The following SEMA3A variants were observed in gnomAD, a reference collection of about 807,000 sequenced individuals.
SEMA3A encodes the protein semaphorin 3A.
In SEMA3A, 29 loss-of-function variants were observed where a neutral mutation model predicts 97.9. The observed-to-expected ratio is 0.30, with a 90% CI of 0.22 to 0.40. The LOEUF (loss-of-function observed/expected upper bound fraction) is 0.40, where lower values mean the gene tolerates loss of function less well. Among genes scored for constraint, SEMA3A ranks in the 10% least tolerant of loss-of-function variants. The pLI, the probability that SEMA3A is intolerant of heterozygous loss-of-function variation, is 1.00. For missense variants in SEMA3A, 763 were observed against 951.3 expected (o/e 0.80, Z 2.60); for synonymous variants, 321 against 323.7 (o/e 0.99, Z 0.09).
chr7:83,957,809 T>C lies in SEMA3A; in HGVS notation c.*3562A>G, dbSNP rs1010710623. The C allele has an allele frequency of 1.3e-5, 2 of 152,080 alleles. No individual in the cohort carries two copies. The highest frequency in any genetic ancestry group is 1.3e-4 in the Admixed American group (2 of 15,244). The allele number at this position is 152,080 out of a possible 1,614,324, so 9.4% of individuals were successfully genotyped here. A position where few individuals can be genotyped will look rare whatever the true frequency, so the allele number is the denominator to read the frequency against. On this transcript the variant is annotated 3_prime_UTR_variant, in exon 17 of 17. Transcript: ENST00000265362. ...TAATTATTACAAATCAAGTTAAAAG[T>C]ATAGATGTCCTTGGTGTTAGACCAG...
At chr7:84,213,330 G>A (rs954243223) in intron 3 of SEMA3A, among the ~76,000 whole-genome samples, 1 of 152,044 alleles carries the variant, frequency 6.6e-6, no homozygotes, top group East Asian at 1.9e-4. Context: ...AGGATGGAAT[G>A]TAGTGGAGTG....
chr7:84,192,811 A>T (rs557796967), intron 1 of SEMA3A, among the ~76,000 whole-genome samples: 23 of 152,074 alleles, frequency 1.5e-4, no homozygotes, highest in Admixed American at 4.6e-4. Context: ...TCATGATTTT[A>T]AACTTGTTAA....
intron 4 of SEMA3A, among the ~76,000 whole-genome samples, chr7:84,096,804 T>C (rs1177503807): frequency 6.6e-6 from 1 of 152,106 alleles, no homozygotes; most frequent in African/African-American, 2.4e-5. Flanking sequence ...GATTTTCATA[T>C]GATAAAAATT....
chr7:84,152,307 G>A (rs1280794940), intron 1 of SEMA3A, among the ~76,000 whole-genome samples: 3 of 139,770 alleles, frequency 2.1e-5, no homozygotes, highest in Admixed American at 7.3e-5. Context: ...GTCCAACAAT[G>A]ATAGACTGGA....
At chr7:84,240,677 T>C (rs1298732001) in intron 3 of SEMA3A, among the ~76,000 whole-genome samples, 1 of 152,162 alleles carries the variant, frequency 6.6e-6, no homozygotes, top group African/African-American at 2.4e-5. Context: ...TCCATAGGTA[T>C]ACATGTGCCA....
At chr7:84,464,903 C>G (rs1283413235) in intron 1 of SEMA3A, among the ~76,000 whole-genome samples, 1 of 151,926 alleles carries the variant, frequency 6.6e-6, no homozygotes, top group Admixed American at 6.6e-5. Flanking sequence ...AAGAAAGATA[C>G]GTTTAAAGTA....
intron 3 of SEMA3A, among the ~76,000 whole-genome samples, chr7:84,229,985 C>A (rs1428013249): frequency 6.6e-6 from 1 of 152,002 alleles, no homozygotes; most frequent in Non-Finnish European, 1.5e-5. Flanking sequence ...CTTACCCCCC[C>A]TTTACTCTAC....
At chr7:84,118,217 A>G (rs1157213971) in intron 3 of SEMA3A, among the ~76,000 whole-genome samples, 2 of 152,194 alleles carry the variant, frequency 1.3e-5, no homozygotes, top group East Asian at 1.9e-4. Flanking sequence ...TAGAATTTCT[A>G]TGAAAGCCTA....
At chr7:84,263,278 A>G (rs1003186212) in intron 3 of SEMA3A, among the ~76,000 whole-genome samples, 2 of 152,154 alleles carry the variant, frequency 1.3e-5, no homozygotes, top group Non-Finnish European at 2.9e-5. Flanking sequence ...TGTAGGTGGG[A>G]ATACTTGAGG....
At chr7:84,191,409 A>C (rs1485935938) in intron 1 of SEMA3A, among the ~76,000 whole-genome samples, 7 of 151,682 alleles carry the variant, frequency 4.6e-5, no homozygotes, top group African/African-American at 9.7e-5. Context: ...ATTTCTACCA[A>C]AACTGAAGCA....
At position 84,126,050 on chromosome 7, in the gene SEMA3A, T is replaced by A. The variant is rs1584003145; in HGVS notation, c.333+3073A>T. Reference sequence around the variant, plus strand: ...GTTGAATTAATTTCATTAACAATGTTTTCACTTAGAAATTGTCCATACTAC... The same window carrying A: ...GTTGAATTAATTTCATTAACAATGTATTCACTTAGAAATTGTCCATACTAC... On this transcript the variant is annotated intron_variant, in intron 3 of 16. Transcript: ENST00000265362. Among the ~76,000 whole-genome samples, 4 of 152,308 alleles carry A rather than the reference T, an allele frequency of 2.6e-5. No individual in the cohort carries two copies. In the South Asian group the frequency reaches 8.3e-4, roughly 32 times the overall value.
At chr7:84,279,043 G>T (rs1402882643) in intron 3 of SEMA3A, among the ~76,000 whole-genome samples, 1 of 151,974 alleles carries the variant, frequency 6.6e-6, no homozygotes, top group Non-Finnish European at 1.5e-5. Flanking sequence ...AAATGAATGT[G>T]AAAATAACAA....
intron 6 of SEMA3A, among the ~76,000 whole-genome samples, chr7:84,043,329 C>T (rs1792217125): frequency 6.6e-6 from 1 of 151,946 alleles, no homozygotes. Context: ...TAGTGAAACT[C>T]CATTTTAAAA....
At chr7:84,388,213 C>T (rs1803449040) in intron 1 of SEMA3A, among the ~76,000 whole-genome samples, 1 of 151,982 alleles carries the variant, frequency 6.6e-6, no homozygotes, top group Non-Finnish European at 1.5e-5. Flanking sequence ...ATATAAGAAA[C>T]ATGAGCTTAA....
intron 2 of SEMA3A, among the ~76,000 whole-genome samples, chr7:84,340,261 T>C (rs1802131260): frequency 6.6e-6 from 1 of 152,138 alleles, no homozygotes; most frequent in South Asian, 2.1e-4. Flanking sequence ...TACATTAGAA[T>C]AGATTAATAA....
intron 4 of SEMA3A, among the ~76,000 whole-genome samples, chr7:84,098,675 G>A (rs1462975942): frequency 6.6e-6 from 1 of 152,050 alleles, no homozygotes; most frequent in Non-Finnish European, 1.5e-5. Context: ...AAATTGTAAT[G>A]GATTTAACTT....
intron 15 of SEMA3A, among the ~76,000 whole-genome samples, chr7:83,967,978 T>A (rs1414396777): frequency 1.3e-5 from 2 of 152,162 alleles, no homozygotes; most frequent in African/African-American, 4.8e-5. Flanking sequence ...ATATACTACT[T>A]TATTATTTGC....
chr7:84,339,378 T>C (rs912999393), intron 2 of SEMA3A, among the ~76,000 whole-genome samples: 3 of 152,188 alleles, frequency 2.0e-5, no homozygotes, highest in African/African-American at 4.8e-5. Flanking sequence ...TAGAAAGTTA[T>C]TGAACATATG....
At chr7:83,984,988 A>T (rs17158447) in intron 13 of SEMA3A, among the ~76,000 whole-genome samples, 6,749 of 152,142 alleles carry the variant, frequency 0.044, 507 homozygotes, top group African/African-American at 0.15. Flanking sequence ...TAGCCAGTGA[A>T]TAATTTTACT....
Sources: allele counts gnomAD v4.1 joint callset (sites outside exome capture counted in the v4.1 genomes callset), GRCh38; gene constraint gnomAD v4.1.1; transcripts MANE v1.5; gene names NCBI Gene and HGNC (gene_info 2026-07-23, HGNC 2026-07-21).